The following SMOC2 variants were observed in gnomAD, a reference collection of about 807,000 sequenced individuals.
SMOC2 encodes SPARC related modular calcium binding 2.
A neutral mutation model predicts 61.4 loss-of-function variants in SMOC2; 39 were observed. The ratio of observed to expected loss-of-function variants is 0.64; its 90% CI spans 0.49 to 0.83. The LOEUF (loss-of-function observed/expected upper bound fraction) is 0.83. SMOC2 is among the 40% of genes least tolerant of loss of function. The probability of loss-of-function intolerance (pLI) is 0.00; values close to 1 mark genes in which losing one functional copy is unlikely to be tolerated. For missense variants in SMOC2, 556 were observed against 592.9 expected, an observed-to-expected ratio of 0.94 and a Z score of 0.65; for synonymous variants, 247 against 239.9, an observed-to-expected ratio of 1.03 and a Z score of -0.27.
chr6:168,644,094 G>T (rs151217652), intron 9 of SMOC2, among the ~76,000 whole-genome samples: 58 of 152,326 alleles, frequency 3.8e-4, no homozygotes, highest in African/African-American at 1.3e-3. Flanking sequence ...TTTCGGCTGG[G>T]GATGGAGCAT....
intron 9 of SMOC2, among the ~76,000 whole-genome samples, chr6:168,617,741 A>G (rs1270687876): frequency 1.3e-5 from 2 of 152,194 alleles, no homozygotes; most frequent in African/African-American, 4.8e-5. Flanking sequence ...TCCCATCATC[A>G]GGGTCTCCTG....
chr6:168,653,800 G>A (rs1404116274), intron 11 of SMOC2, among the ~76,000 whole-genome samples: 2 of 148,866 alleles, frequency 1.3e-5, no homozygotes, highest in African/African-American at 2.5e-5. Context: ...CCAGATGTTA[G>A]GAACTCACCA....
At chr6:168,444,668 C>T (rs77768159) in intron 1 of SMOC2, among the ~76,000 whole-genome samples, 5,468 of 152,218 alleles carry the variant, frequency 0.036, 158 homozygotes, top group South Asian at 0.13. Context: ...AATGCCACAC[C>T]GTGCCCATTT....
chr6:168,444,719 C>G (rs1471914642), intron 1 of SMOC2, among the ~76,000 whole-genome samples: 1 of 152,168 alleles, frequency 6.6e-6, no homozygotes, highest in Non-Finnish European at 1.5e-5. Flanking sequence ...AGGGAATGAT[C>G]TCTAGTATAA....
intron 9 of SMOC2, among the ~76,000 whole-genome samples, chr6:168,642,649 G>C (rs1307171471): frequency 6.6e-6 from 1 of 152,192 alleles, no homozygotes; most frequent in East Asian, 1.9e-4. Flanking sequence ...CAGGTCTAAG[G>C]CCAGGCCCTT....
intron 9 of SMOC2, among the ~76,000 whole-genome samples, chr6:168,612,237 CT>C (rs1785894098): frequency 6.9e-6 from 1 of 144,646 alleles, no homozygotes; most frequent in Non-Finnish European, 1.5e-5. Context: ...TGACTGCAGC[CT>C]TTACTCAAAC....
At chr6:168,500,346 T>C (rs1782697602) in intron 1 of SMOC2, among the ~76,000 whole-genome samples, 2 of 149,020 alleles carry the variant, frequency 1.3e-5, no homozygotes, top group South Asian at 2.1e-4. Context: ...CCGAAGAGGG[T>C]TGAGCAAGAG....
At chr6:168,565,334 C>T (rs367929509) in intron 7 of SMOC2, among the ~76,000 whole-genome samples, 1 of 152,208 alleles carries the variant, frequency 6.6e-6, no homozygotes, top group African/African-American at 2.4e-5. Flanking sequence ...GCTGGCAGGG[C>T]TGGCCTGGTG....
At chr6:168,599,061 C>A (rs956894655) in intron 8 of SMOC2, 57 bp downstream of exon 8, 10 of 1,484,336 alleles carry the variant, frequency 6.7e-6, no homozygotes, top group East Asian at 2.5e-5. Flanking sequence ...GGTGTGGAAG[C>A]CAGGAAAGCA....
intron 4 of SMOC2, among the ~76,000 whole-genome samples, chr6:168,530,257 G>A (rs750778527): frequency 9.2e-5 from 14 of 152,156 alleles, no homozygotes; most frequent in Admixed American, 5.2e-4. Context: ...CATGATTCCT[G>A]GAGAGCAGAG....
chr6:168,580,322 A>G lies in SMOC2; in HGVS notation c.638-18496A>G, dbSNP rs143378936. ...ACATACATTTGAGTATGAGCTTCCT[A>G]TAGTATCTAATTTTCCTTTTCACGG... On this transcript the variant is annotated intron_variant, in intron 7 of 12. Transcript: ENST00000356284. 8.3e-3 allele frequency among the ~76,000 whole-genome samples: 1,259 copies of G among 152,260 alleles called. 8 individuals are homozygous for G. Among genetic ancestry groups the G allele is most frequent in the Non-Finnish European group, 0.014 (922 of 68,020 alleles).
intron 10 of SMOC2, among the ~76,000 whole-genome samples, chr6:168,652,293 C>G (rs1339253006): frequency 6.6e-6 from 1 of 152,234 alleles, no homozygotes; most frequent in Admixed American, 6.5e-5. Flanking sequence ...TCGGAGTTCA[C>G]GGTGTTCTCA....
chr6:168,600,614 C>T (rs971196860), intron 8 of SMOC2, among the ~76,000 whole-genome samples: 3 of 152,074 alleles, frequency 2.0e-5, no homozygotes, highest in African/African-American at 7.2e-5. Context: ...GGACCCAGTG[C>T]CAGGGTGGAA....
chr6:168,599,136 T>A, intron 8 of SMOC2, 132 bp downstream of exon 8: 1 of 796,194 alleles, frequency 1.3e-6, no homozygotes, highest in Non-Finnish European at 1.9e-6. Flanking sequence ...TCACACACAC[T>A]GATACCACAC....
At chr6:168,540,628 G>A in intron 4 of SMOC2, among the ~76,000 whole-genome samples, 1 of 152,100 alleles carries the variant, frequency 6.6e-6, no homozygotes, top group East Asian at 1.9e-4. Flanking sequence ...CACATCCTCA[G>A]AAATTGGCAC....
intron 11 of SMOC2, 23 bp from the exon 12 acceptor site, chr6:168,664,051 A>T: frequency 6.3e-7 from 1 of 1,587,234 alleles, no homozygotes; most frequent in South Asian, 1.1e-5. Flanking sequence ...ATTTTTAATA[A>T]TATCTTTTTT....
chr6:168,455,168 G>A (rs1281748187), intron 1 of SMOC2, among the ~76,000 whole-genome samples: 1 of 152,184 alleles, frequency 6.6e-6, no homozygotes, highest in Non-Finnish European at 1.5e-5. Context: ...AGCTTGAGGT[G>A]CAGCCCAGGG....
intron 8 of SMOC2, among the ~76,000 whole-genome samples, chr6:168,602,408 A>G (rs1449127730): frequency 1.3e-5 from 2 of 152,196 alleles, no homozygotes; most frequent in Non-Finnish European, 2.9e-5. Flanking sequence ...AGGGCATCAC[A>G]GTGATAATGT....
At chr6:168,483,931 A>G (rs1050132344) in intron 1 of SMOC2, among the ~76,000 whole-genome samples, 1 of 152,220 alleles carries the variant, frequency 6.6e-6, no homozygotes, top group African/African-American at 2.4e-5. Context: ...ATCAGATACA[A>G]TAATTAACTC....
Sources: gnomAD v4.1 joint callset for allele counts (sites outside exome capture counted in the v4.1 genomes callset) on GRCh38, gnomAD v4.1.1 for gene constraint, MANE v1.5 for transcripts, NCBI Gene and HGNC (gene_info 2026-07-23, HGNC 2026-07-21) for gene names.